CEP152: variants seen among roughly 807,000 people sequenced by gnomAD.
The protein encoded by CEP152 is centrosomal protein of 152 kDa.
CEP152 carries 132 observed loss-of-function variants against 188.9 expected under a neutral mutation model. The observed-to-expected ratio is 0.70, with a 90% CI of 0.61 to 0.81. The LOEUF (loss-of-function observed/expected upper bound fraction) is 0.81, where lower values mean the gene tolerates loss of function less well. Among genes scored for constraint, CEP152 ranks in the 30% least tolerant of loss-of-function variants. The pLI, the probability that CEP152 is intolerant of heterozygous loss-of-function variation, is 0.00. For missense variants in CEP152, 1,914 were observed against 1,969.8 expected, an observed-to-expected ratio of 0.97 and a Z score of 0.54; for synonymous variants, 649 against 666.6, an observed-to-expected ratio of 0.97 and a Z score of 0.41.
intron 8 of CEP152, among the ~76,000 whole-genome samples, chr15:48,790,057 A>G: frequency 6.6e-6 from 1 of 152,224 alleles, no homozygotes; most frequent in East Asian, 1.9e-4. Flanking sequence ...TCTAATAACT[A>G]TTGGTTTTCA....
chr15:48,785,020 GAGTTAA>G (rs2140856427), intron 9 of CEP152, among the ~76,000 whole-genome samples: 1 of 152,270 alleles, frequency 6.6e-6, no homozygotes, highest in Non-Finnish European at 1.5e-5. Context: ...GCAGAGGAAT[GAGTTAA>G]GTTGATTAAC....
intron 12 of CEP152, among the ~76,000 whole-genome samples, chr15:48,780,682 CA>C (rs1896186259): frequency 6.6e-6 from 1 of 152,232 alleles, no homozygotes; most frequent in African/African-American, 2.4e-5. Context: ...CTCTATACAT[CA>C]AACATAACAT....
At chr15:48,806,669 C>T (rs1418359758) in intron 1 of CEP152, among the ~76,000 whole-genome samples, 1 of 152,178 alleles carries the variant, frequency 6.6e-6, no homozygotes, top group Non-Finnish European at 1.5e-5. Flanking sequence ...ATGCATTTTA[C>T]CATAGAGAAC....
At position 48,796,287 on chromosome 15, in the gene CEP152, TATACACACAC is replaced by T. The variant is rs1392920798; in HGVS notation, c.541-137_541-128del. 2.3e-3 allele frequency: 1,568 copies of T among 692,538 alleles called. 14 individuals are homozygous for T. The African/African-American group carries it at 0.029, about 13-fold the overall frequency. The allele number at this position is 692,538 out of a possible 1,614,324, so 42.9% of individuals were successfully genotyped here. A position where few individuals can be genotyped will look rare whatever the true frequency, so the allele number is the denominator to read the frequency against. On this transcript the variant is annotated intron_variant, in intron 5 of 26. Coordinates refer to ENST00000380950, the MANE Select transcript of CEP152 (RefSeq NM_001194998.2). ...GGTACAGTTCAAAGTTGTTTATATATATACACACACACACACACACACACACACACACACA... is the reference window on the plus strand; with the variant it reads ...GGTACAGTTCAAAGTTGTTTATATATACACACACACACACACACACACACA...
chr15:48,763,615 A>T (rs1478513010), intron 17 of CEP152, among the ~76,000 whole-genome samples: 1 of 151,914 alleles, frequency 6.6e-6, no homozygotes, highest in East Asian at 1.9e-4. Context: ...TGGAGGTTGC[A>T]GTGAGCCGAG....
chr15:48,768,370 C>T (rs770793172), intron 14 of CEP152, 42 bp from the exon 15 acceptor site: 2 of 1,060,324 alleles, frequency 1.9e-6, no homozygotes. Flanking sequence ...AGAAAATAAA[C>T]ATCATTTTCA....
In CEP152 at chr15:48,797,725, T is replaced by A. The variant is rs1897396013; in HGVS notation, c.197A>T (p.His66Leu). 3.1e-6 allele frequency: 5 copies of A among 1,614,002 alleles called. No individual in the cohort carries two copies. The highest frequency in any genetic ancestry group is 4.2e-6 in the Non-Finnish European group (5 of 1,180,000). The change falls in exon 4 of 27, where the codon CAT becomes CTT. Residue 66 changes from histidine to leucine, a missense_variant. Coordinates refer to ENST00000380950, the MANE Select transcript of CEP152 (RefSeq NM_001194998.2). ...GCTCATCTCCAATTGCTCAGGATGA[T>A]GTGGTCTCGAGAAAAAGGAATACTT... ...CSEDGTDGQPHHPEQLEMSWN... is the reference protein window; with the variant it reads ...CSEDGTDGQPLHPEQLEMSWN...
At position 48,793,401 on chromosome 15, in the gene CEP152, T is replaced by C. The variant is rs773286909; in HGVS notation, c.752A>G (p.Gln251Arg). 3.1e-6 allele frequency: 5 copies of C among 1,614,004 alleles called. No individual in the cohort carries two copies. The highest frequency in any genetic ancestry group is 4.2e-6 in the Non-Finnish European group (5 of 1,179,940). The change falls in exon 7 of 27, where the codon CAA (glutamine) becomes CGA (arginine). Residue 251 changes from glutamine (Q) to arginine (R), a missense_variant. Transcript: ENST00000380950. ...TAACTTTTCAATTAAGTTCTCCAGT[T>C]GTCTCTCTTTTGCTTTGTTAAGAAC... is the stretch of plus-strand genomic sequence containing the variant. ...LQVLNKAKER[Q>R]LENLIEKLNE...
chr15:48,734,744 A>T (rs145844134), downstream of CEP152, among the ~76,000 whole-genome samples: 384 of 152,302 alleles, frequency 2.5e-3, 1 homozygote, highest in African/African-American at 8.8e-3. Context: ...TATAGACACA[A>T]TGGACTTTTA....
Position 48,761,786 on chromosome 15 carries a change from A to T in CEP152, c.2562+605T>A, listed in dbSNP as rs141469504. Among the ~76,000 whole-genome samples, 964 of 152,274 alleles carry T rather than the reference A, an allele frequency of 6.3e-3. 10 individuals are homozygous for T. The highest frequency in any genetic ancestry group is 0.022 in the African/African-American group (929 of 41,560). On this transcript the variant is annotated intron_variant, in intron 18 of 26. Coordinates refer to ENST00000380950, the MANE Select transcript of CEP152 (RefSeq NM_001194998.2). ...ATAGGTAAGAAAGATATAACAGATA[A>T]CTCATCTTTATTCTGTCACAATAGG...
intron 2 of CEP152, among the ~76,000 whole-genome samples, chr15:48,799,650 G>A (rs1897548847): frequency 6.6e-6 from 1 of 152,082 alleles, no homozygotes. Flanking sequence ...ATCATTTTGA[G>A]AATTAGCCAT....
intron 2 of CEP152, among the ~76,000 whole-genome samples, 192 bp from the exon 3 acceptor site, chr15:48,798,243 A>G (rs1387172093): frequency 3.3e-5 from 5 of 150,770 alleles, no homozygotes; most frequent in African/African-American, 1.2e-4. Flanking sequence ...GCATAATTTT[A>G]GGATTTATAT....
At chr15:48,768,588 T>A (rs1027088652) in intron 14 of CEP152, among the ~76,000 whole-genome samples, 1 of 152,190 alleles carries the variant, frequency 6.6e-6, no homozygotes, top group South Asian at 2.1e-4. Context: ...AAAATGAAAA[T>A]ATTTAACCAG....
At position 48,778,467 on chromosome 15, in the gene CEP152, G is replaced by A. The variant is rs144648520; in HGVS notation, c.1577+2729C>T. Among the ~76,000 whole-genome samples the A allele has an allele frequency of 1.7e-3, 259 of 152,262 alleles. 1 individual carries two copies. Among genetic ancestry groups the A allele is most frequent in the African/African-American group, 6.1e-3 (252 of 41,556 alleles). ...ATATCATCTAATAAACTGCTGGTGG[G>A]TGGGATGACTACAAGCAAAACGTTT... On this transcript the variant is annotated intron_variant, in intron 12 of 26. Coordinates refer to ENST00000380950, the MANE Select transcript of CEP152 (RefSeq NM_001194998.2).
Position 48,797,461 on chromosome 15 carries a change from T to C in CEP152, c.380A>G (p.Glu127Gly). ...PVYHPEEGGD[E>G]GGSGYSPPSK... ...TGGAGGACTATAACCACTTCCACCT[T>C]CATCTCCACCTTCTTCAGGATGGTA... The change falls in exon 5 of 27, where the codon GAA (glutamate) becomes GGA (glycine). Residue 127 changes from glutamate to glycine, a missense_variant. By Grantham distance (98) the Glu-to-Gly change is moderately conservative. Coordinates refer to ENST00000380950, the MANE Select transcript of CEP152 (RefSeq NM_001194998.2). The C allele has an allele frequency of 6.2e-7, 1 of 1,614,136 alleles. No individual in the cohort carries two copies. The highest frequency in any genetic ancestry group is 8.5e-7 in the Non-Finnish European group (1 of 1,180,010).
At chr15:48,754,308 A>T (rs1467798172) in intron 20 of CEP152, among the ~76,000 whole-genome samples, 1 of 152,110 alleles carries the variant, frequency 6.6e-6, no homozygotes, top group African/African-American at 2.4e-5. Flanking sequence ...AAGCCCTGTA[A>T]AAAGACTCCA....
intron 11 of CEP152, 141 bp downstream of exon 11, chr15:48,781,998 G>T (rs898403811): frequency 2.7e-6 from 2 of 728,614 alleles, no homozygotes; most frequent in East Asian, 2.8e-5. Context: ...GTGTGAAGGA[G>T]ATGGTGAACA....
intron 12 of CEP152, among the ~76,000 whole-genome samples, chr15:48,774,485 CA>C (rs1234868865): frequency 6.6e-6 from 1 of 152,110 alleles, no homozygotes; most frequent in African/African-American, 2.4e-5. Flanking sequence ...AGAAAAGAAC[CA>C]GAGAAAGGAA....
At chr15:48,741,726 TA>T in intron 25 of CEP152, 22 bp from the exon 26 acceptor site, 1 of 1,613,764 alleles carries the variant, frequency 6.2e-7, no homozygotes, top group Non-Finnish European at 8.5e-7. Flanking sequence ...TCCAGAATAT[TA>T]AAAATATAGT....
Sources: gnomAD v4.1 joint callset for allele counts (sites outside exome capture counted in the v4.1 genomes callset) on GRCh38, gnomAD v4.1.1 for gene constraint, MANE v1.5 for transcripts, NCBI Gene and HGNC (gene_info 2026-07-23, HGNC 2026-07-21) for gene names.